The following PDK1 variants were observed in gnomAD, a reference collection of about 807,000 sequenced individuals.
PDK1 encodes pyruvate dehydrogenase kinase 1.
Under a neutral mutation model 54.2 loss-of-function variants are expected in PDK1, and 39 were observed. The observed-to-expected ratio is 0.72, with a 90% CI of 0.56 to 0.94. The LOEUF (loss-of-function observed/expected upper bound fraction) is 0.94, where lower values mean the gene tolerates loss of function less well. PDK1 is among the 40% of genes least tolerant of loss of function. The pLI is 0.00. For missense variants in PDK1, 552 were observed against 566.0 expected (o/e 0.98, Z 0.25); for synonymous variants, 221 against 207.1 (o/e 1.07, Z -0.58).
chr2:172,587,940 C>G (rs187439498), intron 9 of PDK1, among the ~76,000 whole-genome samples: 2 of 152,212 alleles, frequency 1.3e-5, no homozygotes, highest in African/African-American at 2.4e-5. Flanking sequence ...TAGCTAGACA[C>G]AGAGTGCTGA....
chr2:172,626,798 T>C, the PDK1 span, among the ~76,000 whole-genome samples: 1 of 152,118 alleles, frequency 6.6e-6, no homozygotes, highest in African/African-American at 2.4e-5. Context: ...TCACACCTTC[T>C]TTTGGGATAG....
At chr2:172,707,483 G>T in the PDK1 span, among the ~76,000 whole-genome samples, 1 of 152,102 alleles carries the variant, frequency 6.6e-6, no homozygotes, top group Non-Finnish European at 1.5e-5. Context: ...GAGGTTTGTT[G>T]GGCATTTATT....
At chr2:172,594,258 C>T (rs534016202) in intron 10 of PDK1, among the ~76,000 whole-genome samples, 1 of 152,248 alleles carries the variant, frequency 6.6e-6, no homozygotes, top group South Asian at 2.1e-4. Context: ...CTCCTGACCT[C>T]AGGTGATCCG....
chr2:172,711,865 C>CA, the PDK1 span, among the ~76,000 whole-genome samples: 6,832 of 22,606 alleles, frequency 0.3, 1,628 homozygotes, highest in African/African-American at 0.32. Flanking sequence ...GAACCTAGCT[C>CA]AAAAAAAAAA....
Position 172,556,333 on chromosome 2 carries a change from G to A in PDK1, c.183G>A (p.Gln61=). Reference sequence around the variant, plus strand: ...CGCCGTCCCCGCTCTCCATGAAGCAGTTCCTGGACTTCGGTGAGTGCGGCC... The same window carrying A: ...CGCCGTCCCCGCTCTCCATGAAGCAATTCCTGGACTTCGGTGAGTGCGGCC... ...RFSPSPLSMK[Q]FLDFGSVNAC... is the part of the protein sequence containing the mutation. Residue 61 remains glutamine (Q), a synonymous_variant, in exon 1 of 11, where the codon CAG becomes CAA. Coordinates refer to ENST00000282077, the MANE Select transcript of PDK1 (RefSeq NM_002610.5). 1.4e-6 allele frequency: 2 copies of A among 1,462,588 alleles called. No individual in the cohort carries two copies. The highest frequency in any genetic ancestry group is 2.8e-5 in the East Asian group (1 of 36,260). 90.6% of individuals were successfully genotyped at this position (1,462,588 alleles called of 1,614,324 possible).
At chr2:172,654,832 G>A in the PDK1 span, among the ~76,000 whole-genome samples, 5 of 151,996 alleles carry the variant, frequency 3.3e-5, no homozygotes, top group Non-Finnish European at 5.9e-5. Context: ...CAAGTCTACG[G>A]CCTCCCTACC....
chr2:172,633,625 A>G, the PDK1 span, among the ~76,000 whole-genome samples: 2 of 150,930 alleles, frequency 1.3e-5, no homozygotes, highest in East Asian at 1.9e-4. Flanking sequence ...ACAAACTCCC[A>G]TAAGCCAGCC....
At position 172,605,218 on chromosome 2, in the gene PDK1, C is replaced by T. The variant is rs908971091; in HGVS notation, c.*9249C>T. On this transcript the variant is annotated 3_prime_UTR_variant, in exon 11 of 11. Transcript: ENST00000282077. ...TCAACAGGAGGCACAAGAGATAGAA[C>T]CAAATACCATAATGCCTCCTTCTAT... 2.6e-5 allele frequency: 4 copies of T among 152,090 alleles called. No homozygotes were observed. Among genetic ancestry groups the T allele is most frequent in the African/African-American group, 9.7e-5 (4 of 41,394 alleles). 9.4% of individuals were successfully genotyped at this position (152,090 alleles called of 1,614,324 possible).
chr2:172,664,292 C>T, the PDK1 span, among the ~76,000 whole-genome samples: 9 of 97,272 alleles, frequency 9.3e-5, no homozygotes, highest in Admixed American at 1.8e-4. Context: ...ACCTGGACAA[C>T]GAGAGCAAAA....
At chr2:172,613,190 C>T (rs899012371), downstream of PDK1, among the ~76,000 whole-genome samples, 4 of 152,192 alleles carry the variant, frequency 2.6e-5, no homozygotes, top group African/African-American at 9.7e-5. Context: ...CATGAGGACA[C>T]CCACTCAGGG....
At chr2:172,689,047 C>T in the PDK1 span, among the ~76,000 whole-genome samples, 6,838 of 152,208 alleles carry the variant, frequency 0.045, 506 homozygotes, top group African/African-American at 0.16. Context: ...GGAAAGGGAC[C>T]CGAGTGTGTT....
At chr2:172,671,866 G>C in the PDK1 span, among the ~76,000 whole-genome samples, 1 of 152,136 alleles carries the variant, frequency 6.6e-6, no homozygotes, top group African/African-American at 2.4e-5. Context: ...ACAGTAAAAA[G>C]TGAAATACAT....
chr2:172,590,062 G>A (rs1015918340), intron 9 of PDK1, among the ~76,000 whole-genome samples: 2 of 152,148 alleles, frequency 1.3e-5, no homozygotes, highest in African/African-American at 2.4e-5. Context: ...GGGAGTGCTG[G>A]TATGTTTTGA....
chr2:172,669,289 C>T, the PDK1 span, among the ~76,000 whole-genome samples: 2 of 151,928 alleles, frequency 1.3e-5, no homozygotes, highest in Non-Finnish European at 2.9e-5. Flanking sequence ...CCCTGTGATC[C>T]GCCCGCCTTG....
At chr2:172,630,545 G>A in the PDK1 span, among the ~76,000 whole-genome samples, 3 of 151,972 alleles carry the variant, frequency 2.0e-5, no homozygotes, top group East Asian at 5.8e-4. Flanking sequence ...TCATCCAATT[G>A]TGAGTCTTAT....
chr2:172,689,024 G>C, the PDK1 span, among the ~76,000 whole-genome samples: 1 of 152,202 alleles, frequency 6.6e-6, no homozygotes, highest in East Asian at 1.9e-4. Flanking sequence ...ACAGAACAAA[G>C]CTTCCACAGC....
intron 2 of PDK1, 146 bp downstream of exon 2, chr2:172,558,995 C>G (rs1280087908): frequency 7.4e-6 from 6 of 814,032 alleles, no homozygotes; most frequent in Non-Finnish European, 1.1e-5. Context: ...GTCGCCCAGG[C>G]TGGAGTGCAG....
At chr2:172,648,672 A>G in the PDK1 span, among the ~76,000 whole-genome samples, 1 of 152,222 alleles carries the variant, frequency 6.6e-6, no homozygotes, top group Non-Finnish European at 1.5e-5. Context: ...CAAATGGTGC[A>G]CCAGGAGATT....
upstream of PDK1, chr2:172,556,018 G>A (rs62167832): frequency 0.11 from 64,323 of 605,180 alleles, 3,899 homozygotes; most frequent in Non-Finnish European, 0.12. Flanking sequence ...CCGGGCTCCG[G>A]CTAGGAGGGT....
Sources: allele counts gnomAD v4.1 joint callset (sites outside exome capture counted in the v4.1 genomes callset), GRCh38; gene constraint gnomAD v4.1.1; transcripts MANE v1.5; gene names NCBI Gene and HGNC (gene_info 2026-07-23, HGNC 2026-07-21).